The following PCDHAC2 variants were observed in gnomAD, a reference collection of about 807,000 sequenced individuals.
The protein encoded by PCDHAC2 is protocadherin alpha-C2.
PCDHAC2 carries 24 observed loss-of-function variants against 63.3 expected under a neutral mutation model. That is an observed-to-expected ratio of 0.38 (90% CI 0.27 to 0.53). The LOEUF (loss-of-function observed/expected upper bound fraction) is 0.53. Ranked by LOEUF, PCDHAC2 falls within the 20% of genes least tolerant of loss-of-function variation. PCDHAC2 has a pLI of 0.81. For synonymous variants in PCDHAC2, 569 were observed against 529.4 expected (o/e 1.07, Z -1.03); for missense variants, 1,181 against 1,275.2 (o/e 0.93, Z 1.12).
intron 1 of PCDHAC2, chr5:140,969,571 G>A: frequency 9.5e-7 from 1 of 1,050,970 alleles, no homozygotes; most frequent in Non-Finnish European, 1.3e-6. Context: ...AATTGTTTGA[G>A]AAGTGAGGAT....
At chr5:140,987,592 G>T (rs150671243) in intron 3 of PCDHAC2, among the ~76,000 whole-genome samples, 2 of 152,172 alleles carry the variant, frequency 1.3e-5, no homozygotes, top group African/African-American at 4.8e-5. Flanking sequence ...GAGAATAGTG[G>T]TGTCTACCTT....
chr5:140,978,633 CA>C (rs2096813426), intron 1 of PCDHAC2, among the ~76,000 whole-genome samples: 1 of 152,214 alleles, frequency 6.6e-6, no homozygotes, highest in South Asian at 2.1e-4. Context: ...TTTCCTTTCT[CA>C]AAGCAGACTG....
intron 2 of PCDHAC2, among the ~76,000 whole-genome samples, chr5:140,981,439 T>C (rs1468864699): frequency 6.6e-6 from 1 of 152,128 alleles, no homozygotes; most frequent in Non-Finnish European, 1.5e-5. Flanking sequence ...CCAGGCATGG[T>C]GGCGGGTGCC....
chr5:140,992,116 T>A (rs1279382326), intron 3 of PCDHAC2, among the ~76,000 whole-genome samples: 1 of 151,688 alleles, frequency 6.6e-6, no homozygotes, highest in Non-Finnish European at 1.5e-5. Context: ...AGATGTGTCA[T>A]GGAAGAACAG....
At chr5:140,978,887 A>C (rs1367734690) in intron 1 of PCDHAC2, 62 bp from the exon 2 acceptor site, 14 of 1,611,648 alleles carry the variant, frequency 8.7e-6, no homozygotes, top group Admixed American at 1.7e-5. Flanking sequence ...ATCAATTAGC[A>C]GCATTCCTGG....
At chr5:141,005,909 T>C (rs1368661717) in intron 3 of PCDHAC2, among the ~76,000 whole-genome samples, 1 of 151,946 alleles carries the variant, frequency 6.6e-6, no homozygotes, top group African/African-American at 2.4e-5. Context: ...ATTGCACCAC[T>C]GCACTTCAGC....
At chr5:141,005,093 G>A (rs1441843884) in intron 3 of PCDHAC2, among the ~76,000 whole-genome samples, 1 of 152,172 alleles carries the variant, frequency 6.6e-6, no homozygotes, top group East Asian at 1.9e-4. Flanking sequence ...TACTTTACAT[G>A]CATTACATCA....
At position 141,011,939 on chromosome 5, in the gene PCDHAC2, A is replaced by T. The variant is rs955936849; in HGVS notation, c.*2002A>T. 5 of 153,690 alleles carry T rather than the reference A, an allele frequency of 3.3e-5. No individual in the cohort carries two copies. The highest frequency in any genetic ancestry group is 1.2e-4 in the African/African-American group (5 of 41,448). The allele number at this position is 153,690 out of a possible 1,614,324, so 9.5% of individuals were successfully genotyped here. A position where few individuals can be genotyped will look rare whatever the true frequency, so the allele number is the denominator to read the frequency against. On this transcript the variant is annotated 3_prime_UTR_variant, in exon 4 of 4. Coordinates refer to ENST00000289269, the MANE Select transcript of PCDHAC2 (RefSeq NM_018899.6). ...TAAAAGAGGTAGGAGTCTGTTATTT[A>T]AAAAAAGCATTAAATTTAAAAAAAA...
Position 140,968,757 on chromosome 5 carries a change from A to G in PCDHAC2, c.1991A>G (p.Asp664Gly), listed in dbSNP as rs1488596963. The G allele has an allele frequency of 6.2e-7, 1 of 1,614,204 alleles. No individual in the cohort carries two copies. The highest frequency in any genetic ancestry group is 8.5e-7 in the Non-Finnish European group (1 of 1,180,048). Residue 664 changes from aspartate (D) to glycine (G), a missense_variant, in exon 1 of 4, where the codon GAT (aspartate) becomes GGT (glycine). By Grantham distance (94) the Asp-to-Gly change is moderately conservative. Coordinates refer to ENST00000289269, the MANE Select transcript of PCDHAC2 (RefSeq NM_018899.6). ...STFNLTVVVRDNGEPSLSASV... is the reference protein window; with the variant it reads ...STFNLTVVVRGNGEPSLSASV... Reference sequence around the variant, plus strand: ...TTCAACCTGACCGTGGTGGTCCGAGATAATGGAGAGCCATCACTATCAGCC... The same window carrying G: ...TTCAACCTGACCGTGGTGGTCCGAGGTAATGGAGAGCCATCACTATCAGCC...
chr5:141,005,701 C>CAAAAAAAA (rs59860837), intron 3 of PCDHAC2, among the ~76,000 whole-genome samples: 3 of 7,792 alleles, frequency 3.9e-4, no homozygotes, highest in East Asian at 6.4e-3. Flanking sequence ...AACTCCGTCT[C>CAAAAAAAA]AAAAAAAAAA....
In PCDHAC2 at chr5:140,966,973, G is replaced by A. The variant is rs782189736; in HGVS notation, c.207G>A (p.Leu69=). ...TGGCTCGCGCGCTGGGGCTTGAGCT[G>A]CGGCGCTTGGGGCCGGGTTGCTTGC... ...GNVARALGLE[L]RRLGPGCLRI... Residue 69 remains leucine, a synonymous_variant, in exon 1 of 4, where the codon CTG becomes CTA. Transcript: ENST00000289269. 5.6e-6 allele frequency: 9 copies of A among 1,602,936 alleles called. No individual in the cohort carries two copies. Among genetic ancestry groups the A allele is most frequent in the African/African-American group, 4.0e-5 (3 of 74,850 alleles).
intron 3 of PCDHAC2, among the ~76,000 whole-genome samples, chr5:140,990,514 T>C (rs1437267512): frequency 1.3e-5 from 2 of 152,204 alleles, no homozygotes; most frequent in Non-Finnish European, 1.5e-5. Context: ...TCTTCTCTCT[T>C]GTCTTTTTTG....
At chr5:140,987,643 A>G (rs1205279586) in intron 3 of PCDHAC2, among the ~76,000 whole-genome samples, 1 of 152,232 alleles carries the variant, frequency 6.6e-6, no homozygotes, top group Non-Finnish European at 1.5e-5. Context: ...ATGCACACAT[A>G]TTGCAGAATC....
intron 1 of PCDHAC2, among the ~76,000 whole-genome samples, chr5:140,977,127 C>T (rs1197401904): frequency 6.6e-6 from 1 of 152,168 alleles, no homozygotes; most frequent in East Asian, 1.9e-4. Flanking sequence ...AACTGAGTTT[C>T]CTGGTCAGTC....
Position 140,969,579 on chromosome 5 carries a change from G to A in PCDHAC2, c.2565+248G>A, listed in dbSNP as rs373969836. Reference sequence around the variant, plus strand: ...TCCATAAAATTGTTTGAGAAGTGAGGATTAGTCTTAATATTTAATGCTAAA... The same window carrying A: ...TCCATAAAATTGTTTGAGAAGTGAGAATTAGTCTTAATATTTAATGCTAAA... On this transcript the variant is annotated intron_variant, in intron 1 of 3. Coordinates refer to ENST00000289269, the MANE Select transcript of PCDHAC2 (RefSeq NM_018899.6). 1,666 of 951,704 alleles carry A rather than the reference G, an allele frequency of 1.8e-3. 9 individuals carry two copies. The Middle Eastern group carries it at 0.019, about 11-fold the overall frequency. 59.0% of individuals were successfully genotyped at this position (951,704 alleles called of 1,614,324 possible). A position where few individuals can be genotyped will look rare whatever the true frequency, so the allele number is the denominator to read the frequency against.
At chr5:140,976,454 G>A (rs550788004) in intron 1 of PCDHAC2, among the ~76,000 whole-genome samples, 18 of 152,214 alleles carry the variant, frequency 1.2e-4, no homozygotes, top group South Asian at 2.1e-4. Flanking sequence ...GGGAGGCTGG[G>A]GAAGAAGAAT....
intron 3 of PCDHAC2, among the ~76,000 whole-genome samples, chr5:141,001,642 G>A (rs1399710505): frequency 6.6e-6 from 1 of 152,110 alleles, no homozygotes; most frequent in African/African-American, 2.4e-5. Flanking sequence ...GGGGGTGAAG[G>A]TGTGGGAGAA....
rs370831122 is a variant in PCDHAC2, at chr5:140,966,962, G to C, written c.196G>C (p.Gly66Arg). The change falls in exon 1 of 4, where the codon GGG becomes CGG. Residue 66 changes from glycine (G) to arginine (R), a missense_variant. Transcript: ENST00000289269. The part of the protein sequence containing the change: ...ALVGNVARAL[G>R]LELRRLGPGC... ...CGTGGGCAACGTGGCTCGCGCGCTG[G>C]GGCTTGAGCTGCGGCGCTTGGGGCC... The C allele has an allele frequency of 1.3e-5, 21 of 1,602,632 alleles. No individual in the cohort carries two copies. Among genetic ancestry groups the C allele is most frequent in the Admixed American group, 3.3e-5 (2 of 59,750 alleles).
In PCDHAC2 at chr5:140,981,654, ATTTCTTCCTTCC is replaced by A. The variant is rs563193906; in HGVS notation, c.2625-807_2625-796del. Among the ~76,000 whole-genome samples the A allele has an allele frequency of 1.4e-4, 22 of 152,142 alleles. No individual in the cohort carries two copies. In the East Asian group the frequency reaches 3.9e-3, roughly 27 times the overall value. On this transcript the variant is annotated intron_variant, in intron 2 of 3. Coordinates refer to ENST00000289269, the MANE Select transcript of PCDHAC2 (RefSeq NM_018899.6). ...GACATTTTCTCTTAGGATCCCACTTATTTCTTCCTTCCTTTCTTCCTTCCTCCCTTCCATCAT... is the reference window on the plus strand; with the variant it reads ...GACATTTTCTCTTAGGATCCCACTTATTTCTTCCTTCCTCCCTTCCATCAT...
Sources: allele counts gnomAD v4.1 joint callset (sites outside exome capture counted in the v4.1 genomes callset), GRCh38; gene constraint gnomAD v4.1.1; transcripts MANE v1.5; gene names NCBI Gene and HGNC (gene_info 2026-07-23, HGNC 2026-07-21).